Variants in GRB2 observed in about 807,000 individuals in gnomAD.
GRB2 encodes growth factor receptor-bound protein 2.
In GRB2, 2 loss-of-function variants were observed where a neutral mutation model predicts 27.4. The observed-to-expected ratio is 0.07, with a 90% CI of 0.03 to 0.23. The LOEUF is 0.23. Ranked by LOEUF, GRB2 falls within the 10% of genes least tolerant of loss-of-function variation. GRB2 has a pLI of 1.00. For missense variants in GRB2, 102 were observed against 282.4 expected (o/e 0.36, Z 4.58); for synonymous variants, 94 against 99.6 (o/e 0.94, Z 0.33).
chr17:75,368,172 C>T (rs893646528), intron 2 of GRB2, among the ~76,000 whole-genome samples: 2 of 151,596 alleles, frequency 1.3e-5, no homozygotes, highest in Admixed American at 1.3e-4. Context: ...GCCTTGGCCT[C>T]CCAAAGTGCT....
At chr17:75,349,331 C>A (rs2145838729) in intron 2 of GRB2, among the ~76,000 whole-genome samples, 1 of 152,212 alleles carries the variant, frequency 6.6e-6, no homozygotes, top group South Asian at 2.1e-4. Context: ...GGTAACCATG[C>A]TGGCCATGTT....
At chr17:75,391,591 G>C (rs187775808) in intron 2 of GRB2, among the ~76,000 whole-genome samples, 2 of 152,216 alleles carry the variant, frequency 1.3e-5, no homozygotes, top group African/African-American at 4.8e-5. Context: ...GGCAGATCAC[G>C]AGGTCAGGAG....
In GRB2 at chr17:75,339,577, G is replaced by T. The variant is rs570076544; in HGVS notation, c.79-6780C>A. On this transcript the variant is annotated intron_variant, in intron 2 of 5. Transcript: ENST00000316804. ...ACCTGGGTGTGTTCTGTTTGTGAAA[G>T]TTCACTGACCTATAATGATATATAC... Among the ~76,000 whole-genome samples, 4 of 151,050 alleles carry T rather than the reference G, an allele frequency of 2.6e-5. No homozygotes were observed. In the East Asian group the frequency reaches 5.8e-4, roughly 22 times the overall value.
chr17:75,320,186 T>A lies in GRB2; in HGVS notation c.*182A>T, dbSNP rs2078448847. 1.3e-5 allele frequency: 7 copies of A among 557,452 alleles called. No individual in the cohort carries two copies. The Admixed American group carries it at 1.5e-4, about 12-fold the overall frequency. The allele number at this position is 557,452 out of a possible 1,614,324, so 34.5% of individuals were successfully genotyped here. A position where few individuals can be genotyped will look rare whatever the true frequency, so the allele number is the denominator to read the frequency against. On this transcript the variant is annotated 3_prime_UTR_variant, in exon 6 of 6. Coordinates refer to ENST00000316804, the MANE Select transcript of GRB2 (RefSeq NM_002086.5). This position sits in a 1 kb window ranked among gnomAD's most constrained non-coding sequence, Gnocchi z 4.3. ...CTTAATTTATAGGTAAGTTTTGGCATTTTTAAATCCAACGCCCCCTCCCAC... is the reference window on the plus strand; with the variant it reads ...CTTAATTTATAGGTAAGTTTTGGCAATTTTAAATCCAACGCCCCCTCCCAC...
intron 1 of GRB2, among the ~76,000 whole-genome samples, chr17:75,399,363 T>C (rs887961505): frequency 8.6e-6 from 1 of 115,970 alleles, no homozygotes; most frequent in Admixed American, 1.2e-4. Flanking sequence ...CTTGACAATC[T>C]TTTCTTTTTT....
chr17:75,352,716 TAA>T (rs1361594528), intron 2 of GRB2, among the ~76,000 whole-genome samples: 1 of 152,124 alleles, frequency 6.6e-6, no homozygotes, highest in Non-Finnish European at 1.5e-5. Context: ...CTCTATGCAG[TAA>T]AAGTGTTTTA....
At chr17:75,390,140 T>G (rs955432818) in intron 2 of GRB2, among the ~76,000 whole-genome samples, 1 of 152,164 alleles carries the variant, frequency 6.6e-6, no homozygotes. Context: ...GTTTTTAAAG[T>G]AGTTTAAGAA....
chr17:75,321,809 C>T lies in GRB2; in HGVS notation c.318G>A (p.Gln106=). Residue 106 remains glutamine, a synonymous_variant, in exon 5 of 6, where the codon CAG becomes CAA. Coordinates refer to ENST00000316804, the MANE Select transcript of GRB2 (RefSeq NM_002086.5). ...SLSVKFGNDV[Q]HFKVLRDGAG... ...CTCCATCTCGGAGCACCTTGAAGTG[C>T]TGCACATCGTTTCCAAACCTGGGAG... 1 of 1,614,004 alleles carries T rather than the reference C, an allele frequency of 6.2e-7. No homozygotes were observed. Among genetic ancestry groups the T allele is most frequent in the Non-Finnish European group, 8.5e-7 (1 of 1,179,990 alleles).
intron 2 of GRB2, among the ~76,000 whole-genome samples, chr17:75,362,350 G>A (rs1231116869): frequency 6.6e-6 from 1 of 152,064 alleles, no homozygotes; most frequent in Admixed American, 6.6e-5. Context: ...CTGTTTATCT[G>A]TGCTTTATGC....
At chr17:75,324,535 TGGAGACAGAG>T (rs1567855860) in intron 4 of GRB2, among the ~76,000 whole-genome samples, 550 of 85,996 alleles carry the variant, frequency 6.4e-3, no homozygotes, top group Middle Eastern at 0.024. Flanking sequence ...TTTTTTTTTT[TGGAGACAGAG>T]TTTTGCTCTT....
intron 2 of GRB2, among the ~76,000 whole-genome samples, chr17:75,379,930 A>C (rs2078917126): frequency 6.6e-6 from 1 of 152,230 alleles, no homozygotes; most frequent in Non-Finnish European, 1.5e-5. Context: ...GACTGACCTA[A>C]GTCAAAAGTA....
chr17:75,328,365 T>C (rs1222692944), intron 3 of GRB2, among the ~76,000 whole-genome samples: 3 of 147,840 alleles, frequency 2.0e-5, no homozygotes, highest in Non-Finnish European at 4.5e-5. Flanking sequence ...GGAGGCTGGG[T>C]GCGGTGGCTC....
At chr17:75,370,470 C>A (rs1298142259) in intron 2 of GRB2, among the ~76,000 whole-genome samples, 1 of 152,222 alleles carries the variant, frequency 6.6e-6, no homozygotes, top group African/African-American at 2.4e-5. Context: ...TTTGGCACCA[C>A]AAAGCATGCC....
intron 2 of GRB2, among the ~76,000 whole-genome samples, chr17:75,361,547 TATC>T (rs2078781765): frequency 6.6e-6 from 1 of 152,154 alleles, no homozygotes; most frequent in African/African-American, 2.4e-5. Flanking sequence ...TATCTAGACT[TATC>T]ATATTACAAA....
At chr17:75,355,068 A>C (rs983141364) in intron 2 of GRB2, among the ~76,000 whole-genome samples, 16 of 152,176 alleles carry the variant, frequency 1.1e-4, no homozygotes, top group Middle Eastern at 3.2e-3. Flanking sequence ...TTGGCCTCCC[A>C]AAGTGCTGGG....
At chr17:75,401,273 G>A (rs1042954016) in intron 1 of GRB2, among the ~76,000 whole-genome samples, 7 of 151,310 alleles carry the variant, frequency 4.6e-5, no homozygotes, top group Admixed American at 1.3e-4. Flanking sequence ...GTGAAACCCC[G>A]TCTCTACTAA....
intron 3 of GRB2, 66 bp downstream of exon 3, chr17:75,332,631 ATTT>A (rs1465627479): frequency 1.1e-6 from 1 of 876,722 alleles, no homozygotes; most frequent in Non-Finnish European, 1.9e-6. Context: ...AGTGATCTCA[ATTT>A]TAAAAAGAGT....
chr17:75,394,384 A>G (rs2079017718), intron 1 of GRB2: 1 of 152,202 alleles, frequency 6.6e-6, no homozygotes, highest in Admixed American at 6.5e-5. Flanking sequence ...TGCTACAAGC[A>G]CCGGCGGCTT....
intron 2 of GRB2, among the ~76,000 whole-genome samples, chr17:75,341,179 C>T (rs892365880): frequency 1.3e-5 from 2 of 152,086 alleles, no homozygotes; most frequent in Non-Finnish European, 2.9e-5. Flanking sequence ...CGCCTGTAAT[C>T]CCAGCACTTT....
Sources: allele counts gnomAD v4.1 joint callset (sites outside exome capture counted in the v4.1 genomes callset), GRCh38; gene constraint gnomAD v4.1.1; non-coding constraint Gnocchi (gnomAD v3.1); transcripts MANE v1.5; gene names NCBI Gene and HGNC (gene_info 2026-07-23, HGNC 2026-07-21).